LDLRAD4: variants seen among roughly 807,000 people sequenced by gnomAD.
LDLRAD4 encodes low density lipoprotein receptor class A domain containing 4, also known as low-density lipoprotein receptor class A domain-containing protein 4.
Under a neutral mutation model 17.0 loss-of-function variants are expected in LDLRAD4, and 5 were observed. The ratio of observed to expected loss-of-function variants is 0.29; its 90% CI spans 0.15 to 0.62. The LOEUF (loss-of-function observed/expected upper bound fraction) is 0.62. LDLRAD4 is among the 20% of genes least tolerant of loss of function. The pLI is 0.84. For synonymous variants in LDLRAD4, 168 were observed against 171.8 expected, an observed-to-expected ratio of 0.98 and a Z score of 0.17; for missense variants, 340 against 424.7, an observed-to-expected ratio of 0.80 and a Z score of 1.75.
At chr18:13,248,609 T>C (rs1280902172) in intron 1 of LDLRAD4, among the ~76,000 whole-genome samples, 1 of 152,260 alleles carries the variant, frequency 6.6e-6, no homozygotes, top group Non-Finnish European at 1.5e-5. Context: ...TGTGGTTATT[T>C]ACATTTTTGA....
chr18:13,457,850 G>A (rs905157208), intron 3 of LDLRAD4, among the ~76,000 whole-genome samples: 1 of 152,174 alleles, frequency 6.6e-6, no homozygotes, highest in Non-Finnish European at 1.5e-5. Context: ...GCTCTTTGTG[G>A]TGGTAAGCTC....
At chr18:13,278,599 A>G (rs1254865758) in intron 1 of LDLRAD4, among the ~76,000 whole-genome samples, 3 of 152,258 alleles carry the variant, frequency 2.0e-5, no homozygotes, top group African/African-American at 4.8e-5. Flanking sequence ...GTCAAAGAAC[A>G]TGAAGTGAAG....
chr18:13,495,790 C>T (rs540357044), intron 3 of LDLRAD4, among the ~76,000 whole-genome samples: 80 of 152,284 alleles, frequency 5.3e-4, no homozygotes, highest in African/African-American at 1.6e-3. Flanking sequence ...GACTGAAACT[C>T]GGAGGATTGT....
intron 3 of LDLRAD4, among the ~76,000 whole-genome samples, chr18:13,547,025 A>G (rs1200542014): frequency 1.3e-5 from 2 of 152,220 alleles, no homozygotes; most frequent in Admixed American, 6.5e-5. Flanking sequence ...AATTTTTGCC[A>G]TCTTGAAATT....
In LDLRAD4 at chr18:13,645,151, G is replaced by C; in HGVS notation, c.415G>C (p.Asp139His). ...GATCATGCATGCCCCGCGGTCCAGG[G>C]ACAGGTTCACAGCGCCGTCCTTCAT... The change falls in exon 6 of 6, where the codon GAC becomes CAC. Residue 139 changes from aspartate (D) to histidine (H), a missense_variant. Asp to His is a moderately conservative substitution (Grantham distance 81). Transcript: ENST00000359446. The surrounding 1 kb of genome is among the most constrained non-coding windows in gnomAD (Gnocchi z 5.7). 2 of 1,613,146 alleles carry C rather than the reference G, an allele frequency of 1.2e-6. No individual in the cohort carries two copies. The highest frequency in any genetic ancestry group is 1.7e-6 in the Non-Finnish European group (2 of 1,179,550).
At chr18:13,290,648 T>G (rs1285833697) in intron 1 of LDLRAD4, among the ~76,000 whole-genome samples, 1 of 152,184 alleles carries the variant, frequency 6.6e-6, no homozygotes, top group Non-Finnish European at 1.5e-5. Flanking sequence ...TTAAAAGAGT[T>G]TTGTTGTTTA....
intron 2 of LDLRAD4, among the ~76,000 whole-genome samples, chr18:13,436,616 G>A (rs117747437): frequency 0.013 from 2,026 of 152,302 alleles, 23 homozygotes; most frequent in Middle Eastern, 0.017. Context: ...TTTTGGAAAG[G>A]AAGATAAATT....
At chr18:13,320,718 C>T (rs1284312771) in intron 1 of LDLRAD4, among the ~76,000 whole-genome samples, 1 of 152,232 alleles carries the variant, frequency 6.6e-6, no homozygotes, top group Non-Finnish European at 1.5e-5. Context: ...CTGCCAGGTG[C>T]AATGGCAGGG....
intron 1 of LDLRAD4, among the ~76,000 whole-genome samples, chr18:13,341,642 T>C (rs1029721535): frequency 1.3e-5 from 2 of 152,146 alleles, no homozygotes; most frequent in Non-Finnish European, 2.9e-5. Flanking sequence ...AAAGGGAATC[T>C]TTAGGGCTTT....
intron 3 of LDLRAD4, among the ~76,000 whole-genome samples, chr18:13,453,685 G>A (rs746769048): frequency 2.6e-5 from 4 of 152,244 alleles, no homozygotes; most frequent in Admixed American, 6.5e-5. Context: ...GGCATGCGAT[G>A]TCTTTGAGCC....
chr18:13,517,633 G>A (rs1365047402), intron 3 of LDLRAD4, among the ~76,000 whole-genome samples: 1 of 152,260 alleles, frequency 6.6e-6, no homozygotes, highest in East Asian at 1.9e-4. Context: ...AAGGAGTGCA[G>A]TTTGCAGTTG....
chr18:13,363,696 A>G (rs2083856603), intron 1 of LDLRAD4, among the ~76,000 whole-genome samples: 1 of 152,212 alleles, frequency 6.6e-6, no homozygotes, highest in South Asian at 2.1e-4. Context: ...ATGATAAAAT[A>G]TGTAGTGTCA....
chr18:13,447,083 C>T lies in LDLRAD4; in HGVS notation c.181+8699C>T, dbSNP rs561339549. Among the ~76,000 whole-genome samples, 662 of 152,342 alleles carry T rather than the reference C, an allele frequency of 4.3e-3. 7 individuals are homozygous for T. Among genetic ancestry groups the T allele is most frequent in the African/African-American group, 0.015 (639 of 41,564 alleles). ...TCAAGGCCATGTTCAATGAATCAGG[C>T]TGTTGTGCAGAGCAGCCTGTGTGCT... On this transcript the variant is annotated intron_variant, in intron 3 of 5. Transcript: ENST00000359446.
intron 3 of LDLRAD4, among the ~76,000 whole-genome samples, chr18:13,537,783 T>C (rs147228385): frequency 5.2e-4 from 79 of 152,092 alleles, no homozygotes; most frequent in Admixed American, 1.8e-3. Context: ...CTGGAATTTG[T>C]GTGTGTGTGT....
intron 3 of LDLRAD4, among the ~76,000 whole-genome samples, chr18:13,553,434 T>C (rs1276804643): frequency 6.6e-6 from 1 of 152,208 alleles, no homozygotes; most frequent in South Asian, 2.1e-4. Flanking sequence ...TTAAAATATG[T>C]CTGTAAACCG....
At chr18:13,249,120 T>C (rs985729432) in intron 1 of LDLRAD4, among the ~76,000 whole-genome samples, 1 of 152,274 alleles carries the variant, frequency 6.6e-6, no homozygotes, top group African/African-American at 2.4e-5. Context: ...ATGGTGTATA[T>C]GTTCCACATT....
intron 3 of LDLRAD4, among the ~76,000 whole-genome samples, chr18:13,541,505 G>A: frequency 6.6e-6 from 1 of 152,224 alleles, no homozygotes; most frequent in Middle Eastern, 3.2e-3. Context: ...CTCCTCAGGT[G>A]GTGGGAGTCC....
At chr18:13,258,392 C>A (rs1355168546) in intron 1 of LDLRAD4, among the ~76,000 whole-genome samples, 1 of 151,550 alleles carries the variant, frequency 6.6e-6, no homozygotes. Flanking sequence ...TTAGCATTAA[C>A]ATGGAATCTG....
chr18:13,324,570 G>A (rs1416326529), intron 1 of LDLRAD4, among the ~76,000 whole-genome samples: 1 of 152,160 alleles, frequency 6.6e-6, no homozygotes, highest in Non-Finnish European at 1.5e-5. Flanking sequence ...TTTATTAGCT[G>A]GTGGCTTCTC....
Sources: allele counts gnomAD v4.1 joint callset (sites outside exome capture counted in the v4.1 genomes callset), GRCh38; gene constraint gnomAD v4.1.1; non-coding constraint Gnocchi (gnomAD v3.1); transcripts MANE v1.5; gene names NCBI Gene and HGNC (gene_info 2026-07-23, HGNC 2026-07-21).